Variants in TRIP10 observed in about 807,000 individuals in gnomAD.
TRIP10 encodes the protein cdc42-interacting protein 4.
TRIP10 carries 54 observed loss-of-function variants against 80.9 expected under a neutral mutation model. The observed-to-expected ratio is 0.67, with a 90% CI of 0.54 to 0.84. The LOEUF is 0.84. Ranked by LOEUF, TRIP10 falls within the 40% of genes least tolerant of loss-of-function variation. The probability of loss-of-function intolerance (pLI) is 0.00; values close to 1 mark genes in which losing one functional copy is unlikely to be tolerated. For synonymous variants in TRIP10, 321 were observed against 307.2 expected (o/e 1.04, Z -0.47); for missense variants, 773 against 815.3 (o/e 0.95, Z 0.63).
At position 6,743,182 on chromosome 19, in the gene TRIP10, T is replaced by C; in HGVS notation, c.346-12T>C. 1 of 1,614,192 alleles carries C rather than the reference T, an allele frequency of 6.2e-7. No homozygotes were observed. Among genetic ancestry groups the C allele is most frequent in the Non-Finnish European group, 8.5e-7 (1 of 1,180,004 alleles). ...GGAACCCTGGCGAGCCTTATCACTC[T>C]TCTTTCTGTAGCACTTCCAAGAAGG... On this transcript the variant is annotated splice_polypyrimidine_tract_variant and intron_variant, in intron 4 of 14. Coordinates refer to ENST00000313244, the MANE Select transcript of TRIP10 (RefSeq NM_001288962.2).
chr19:6,743,442 C>G, intron 5 of TRIP10, 52 bp from the exon 6 acceptor site: 1 of 1,596,230 alleles, frequency 6.3e-7, no homozygotes, highest in Non-Finnish European at 8.6e-7. Context: ...GTTTCCCACC[C>G]TGCTGTCTTT....
At chr19:6,743,291 G>C in intron 5 of TRIP10, 35 bp downstream of exon 5, 1 of 1,610,906 alleles carries the variant, frequency 6.2e-7, no homozygotes, top group South Asian at 1.1e-5. Context: ...CTGTGGCCCG[G>C]AGGCATGGGG....
intron 1 of TRIP10, 147 bp from the exon 2 acceptor site, chr19:6,740,863 G>C: frequency 1.5e-6 from 1 of 646,238 alleles, no homozygotes; most frequent in Non-Finnish European, 2.6e-6. Flanking sequence ...GCCTCCCCCC[G>C]CGCCACGCCG....
chr19:6,748,226 A>G (rs555254039), intron 11 of TRIP10: 2 of 152,182 alleles, frequency 1.3e-5, no homozygotes, highest in Non-Finnish European at 2.9e-5. Context: ...GTTCTGTTAC[A>G]TAATAGGAAT....
At chr19:6,743,330 C>G in intron 5 of TRIP10, 74 bp downstream of exon 5, 1 of 1,585,602 alleles carries the variant, frequency 6.3e-7, no homozygotes, top group South Asian at 1.1e-5. Context: ...AGTCAGGGAG[C>G]TGCCCTCTTT....
Position 6,741,139 on chromosome 19 carries a change from G to T in TRIP10, c.140+14G>T. 1 of 1,614,178 alleles carries T rather than the reference G, an allele frequency of 6.2e-7. No individual in the cohort carries two copies. The highest frequency in any genetic ancestry group is 8.5e-7 in the Non-Finnish European group (1 of 1,179,986). On this transcript the variant is annotated intron_variant, in intron 2 of 14. Coordinates refer to ENST00000313244, the MANE Select transcript of TRIP10 (RefSeq NM_001288962.2). ...CAAACAACTGCGGTGAGACCCTGGG[G>T]TGGACGCTACGGAGGACGCGCCTGG...
At chr19:6,749,887 T>G (rs770678194) in intron 11 of TRIP10, 47 bp from the exon 12 acceptor site, 1 of 1,583,744 alleles carries the variant, frequency 6.3e-7, no homozygotes, top group East Asian at 2.2e-5. Context: ...ACAAAAAAAC[T>G]CACACGGAAG....
Position 6,746,241 on chromosome 19 carries a change from C to A in TRIP10, c.1152+45C>A. ...AGGAGGAGGTGGTGGCCCTAGCCTG[C>A]CCAGCGGCGGGTGGCGGGACCCTGG... On this transcript the variant is annotated intron_variant, in intron 10 of 14. Transcript: ENST00000313244. The surrounding 1 kb of genome is among the most constrained non-coding windows in gnomAD (Gnocchi z 6.2). 1 of 1,491,130 alleles carries A rather than the reference C, an allele frequency of 6.7e-7. No homozygotes were observed. The highest frequency in any genetic ancestry group is 1.3e-5 in the South Asian group (1 of 75,734). The allele number at this position is 1,491,130 out of a possible 1,614,324, so 92.4% of individuals were successfully genotyped here.
In TRIP10 at chr19:6,743,085, T is replaced by A. The variant is rs757712372; in HGVS notation, c.316T>A (p.Ser106Thr). The A allele has an allele frequency of 2.5e-6, 4 of 1,614,120 alleles. No homozygotes were observed. The South Asian group carries it at 4.4e-5, about 18-fold the overall frequency. Residue 106 changes from serine (S) to threonine (T), a missense_variant, in exon 4 of 15, where the codon TCA becomes ACA. By Grantham distance (58) the Ser-to-Thr change is moderately conservative. Coordinates refer to ENST00000313244, the MANE Select transcript of TRIP10 (RefSeq NM_001288962.2). ...VRVCLELTKY[S>T]QEMKQERKMH... Reference sequence around the variant, plus strand: ...TGTATGTCTTGAGCTGACCAAGTACTCACAAGAGATGAAACAGGAGAGGAA... The same window carrying A: ...TGTATGTCTTGAGCTGACCAAGTACACACAAGAGATGAAACAGGAGAGGAA...
Position 6,745,913 on chromosome 19 carries a change from T to C in TRIP10, c.985-116T>C. The C allele has an allele frequency of 7.9e-7, 1 of 1,260,176 alleles. No homozygotes were observed. Among genetic ancestry groups the C allele is most frequent in the Non-Finnish European group, 1.0e-6 (1 of 998,766 alleles). The allele number at this position is 1,260,176 out of a possible 1,614,324, so 78.1% of individuals were successfully genotyped here. A position where few individuals can be genotyped will look rare whatever the true frequency, so the allele number is the denominator to read the frequency against. Reference sequence around the variant, plus strand: ...TTTTGTTTTTCCTTTTTCCTTTTTTTGCGTCCATCCGTCCATCCGTGCGTC... The same window carrying C: ...TTTTGTTTTTCCTTTTTCCTTTTTTCGCGTCCATCCGTCCATCCGTGCGTC... On this transcript the variant is annotated intron_variant, in intron 9 of 14. Transcript: ENST00000313244. This position sits in a 1 kb window ranked among gnomAD's most constrained non-coding sequence, Gnocchi z 7.2.
At position 6,745,181 on chromosome 19, in the gene TRIP10, C is replaced by T. The variant is rs749136438; in HGVS notation, c.984+187C>T. 47 of 785,850 alleles carry T rather than the reference C, an allele frequency of 6.0e-5. No individual in the cohort carries two copies. Among genetic ancestry groups the T allele is most frequent in the Middle Eastern group, 3.8e-4 (1 of 2,618 alleles). The allele number at this position is 785,850 out of a possible 1,614,324, so 48.7% of individuals were successfully genotyped here. The stretch of plus-strand genomic sequence containing the variant: ...GCCTGGGAGTCCCCCGAGGCGAAGG[C>T]GGGGGCAGGGTGGGGAGGTGGGGAG... On this transcript the variant is annotated intron_variant, in intron 9 of 14. Coordinates refer to ENST00000313244, the MANE Select transcript of TRIP10 (RefSeq NM_001288962.2). The surrounding 1 kb of genome is among the most constrained non-coding windows in gnomAD (Gnocchi z 7.2).
chr19:6,745,892 G>GT lies in TRIP10; in HGVS notation c.985-132dup. 1 of 1,260,656 alleles carries GT rather than the reference G, an allele frequency of 7.9e-7. No homozygotes were observed. The allele number at this position is 1,260,656 out of a possible 1,614,324, so 78.1% of individuals were successfully genotyped here. On this transcript the variant is annotated intron_variant, in intron 9 of 14. Coordinates refer to ENST00000313244, the MANE Select transcript of TRIP10 (RefSeq NM_001288962.2). This position sits in a 1 kb window ranked among gnomAD's most constrained non-coding sequence, Gnocchi z 7.2. ...ACCGTTTTTTTTCTTTCTCCATTTTGTTTTTCCTTTTTCCTTTTTTTGCGT... is the reference window on the plus strand; with the variant it reads ...ACCGTTTTTTTTCTTTCTCCATTTTGTTTTTTCCTTTTTCCTTTTTTTGCGT...
chr19:6,746,178 C>T lies in TRIP10; in HGVS notation c.1134C>T (p.Ser378=). The T allele has an allele frequency of 1.9e-6, 3 of 1,540,450 alleles. No individual in the cohort carries two copies. The highest frequency in any genetic ancestry group is 1.4e-5 in the African/African-American group (1 of 72,874). ...AACCGAGGCTAGCATCCTTCCGCAG[C>T]CTTCGAGGCAGCCGTGGGGTAAGTG... ...SVKPRLASFR[S]LRGSRGTVVT... The change falls in exon 10 of 15, where the codon AGC becomes AGT. Residue 378 remains serine, a synonymous_variant. Transcript: ENST00000313244. This position sits in a 1 kb window ranked among gnomAD's most constrained non-coding sequence, Gnocchi z 6.2.
intron 11 of TRIP10, chr19:6,748,927 G>C (rs1176610749): frequency 6.6e-6 from 1 of 151,858 alleles, no homozygotes; most frequent in Non-Finnish European, 1.5e-5. Context: ...AATGATAACA[G>C]TATTTATTAG....
rs528948691 is a variant in TRIP10 at position 6,739,773 on chromosome 19, C to T, written c.12C>T (p.Gly4=). Reference sequence around the variant, plus strand: ...GCGGCGGGAGCAGCATGGATTGGGGCACTGAGCTGTGGGTAAGTCCAATCG... The same window carrying T: ...GCGGCGGGAGCAGCATGGATTGGGGTACTGAGCTGTGGGTAAGTCCAATCG... MDW[G]TELWDQFEVL... Residue 4 remains glycine (G), a synonymous_variant, in exon 1 of 15, where the codon GGC becomes GGT. Transcript: ENST00000313244. The T allele has an allele frequency of 2.6e-4, 374 of 1,461,448 alleles. 2 individuals carry two copies. In the South Asian group the frequency reaches 5.0e-3, roughly 20 times the overall value. 90.5% of individuals were successfully genotyped at this position (1,461,448 alleles called of 1,614,324 possible).
At position 6,743,006 on chromosome 19, in the gene TRIP10, G is replaced by A; in HGVS notation, c.237G>A (p.Glu79=). Residue 79 remains glutamate, a synonymous_variant, in exon 4 of 15, where the codon GAG becomes GAA. Transcript: ENST00000313244. ...AGTCCTTCGTACAGATTCTCCAGGA[G>A]GTGAATGACTTTGCAGGCCAGCGGG... ...QQQSFVQILQ[E]VNDFAGQREL... is the part of the protein sequence containing the mutation. 4 of 1,614,192 alleles carry A rather than the reference G, an allele frequency of 2.5e-6. No individual in the cohort carries two copies. Among genetic ancestry groups the A allele is most frequent in the Non-Finnish European group, 3.4e-6 (4 of 1,180,030 alleles).
Position 6,750,062 on chromosome 19 carries a change from A to G in TRIP10, c.1391A>G (p.Tyr464Cys). ...CGGCTGAAATTGGAAGTGCAGAAGTATGAGGTCAGGAAAGACCCTGGGGAG... is the reference window on the plus strand; with the variant it reads ...CGGCTGAAATTGGAAGTGCAGAAGTGTGAGGTCAGGAAAGACCCTGGGGAG... ...IERLKLEVQK[Y>C]EAWLAEAESR... Residue 464 changes from tyrosine (Y) to cysteine (C), a missense_variant, in exon 12 of 15, where the codon TAT (tyrosine) becomes TGT (cysteine). Transcript: ENST00000313244. 1 of 1,406,316 alleles carries G rather than the reference A, an allele frequency of 7.1e-7. No homozygotes were observed. Among genetic ancestry groups the G allele is most frequent in the Middle Eastern group, 2.0e-4 (1 of 5,030 alleles). 87.1% of individuals were successfully genotyped at this position (1,406,316 alleles called of 1,614,324 possible).
chr19:6,739,869 G>C, intron 1 of TRIP10, 84 bp downstream of exon 1: 1 of 1,333,342 alleles, frequency 7.5e-7, no homozygotes. Context: ...CTTAGAGGGG[G>C]CTCCGCGCCT....
rs1969079808 is a variant in TRIP10, at chr19:6,745,216, GTT to G, written c.984+224_984+225del. On this transcript the variant is annotated intron_variant, in intron 9 of 14. Transcript: ENST00000313244. This position sits in a 1 kb window ranked among gnomAD's most constrained non-coding sequence, Gnocchi z 7.2. ...GTGGGGAGGTGGGGAGGTCCGTGGC[GTT>G]TGTCTGCTGCTTCTCGGGATGCTGG... 1 of 608,944 alleles carries G rather than the reference GTT, an allele frequency of 1.6e-6. No homozygotes were observed. 37.7% of individuals were successfully genotyped at this position (608,944 alleles called of 1,614,324 possible).
Sources: gnomAD v4.1 joint callset for allele counts on GRCh38, gnomAD v4.1.1 for gene constraint, Gnocchi (gnomAD v3.1) non-coding constraint, MANE v1.5 for transcripts, NCBI Gene and HGNC (gene_info 2026-07-23, HGNC 2026-07-21) for gene names.